Variants in VRK3 observed in about 807,000 individuals in gnomAD.
VRK3 encodes the protein VRK serine/threonine kinase 3.
A neutral mutation model predicts 60.4 loss-of-function variants in VRK3; 50 were observed. The observed-to-expected ratio is 0.83, with a 90% CI of 0.66 to 1.05. The LOEUF (loss-of-function observed/expected upper bound fraction) is 1.05. VRK3 is among the 50% of genes least tolerant of loss of function. VRK3 has a pLI of 0.00. For missense variants in VRK3, 549 were observed against 585.3 expected, an observed-to-expected ratio of 0.94 and a Z score of 0.64; for synonymous variants, 246 against 227.8, an observed-to-expected ratio of 1.08 and a Z score of -0.72.
intron 14 of VRK3, among the ~76,000 whole-genome samples, chr19:49,977,476 G>A (rs1256467881): frequency 6.6e-6 from 1 of 152,086 alleles, no homozygotes; most frequent in Non-Finnish European, 1.5e-5. Flanking sequence ...GGTGAGGAAG[G>A]CACTGTGAGA....
chr19:50,008,076 C>A (rs941528391), intron 4 of VRK3, among the ~76,000 whole-genome samples: 1 of 152,036 alleles, frequency 6.6e-6, no homozygotes, highest in Non-Finnish European at 1.5e-5. Flanking sequence ...TAGTCAGATG[C>A]GGGTCTGAGA....
chr19:50,016,127 G>T lies in VRK3; in HGVS notation c.36C>A (p.Ile12=), dbSNP rs758077954. 1.2e-6 allele frequency: 2 copies of T among 1,614,080 alleles called. No individual in the cohort carries two copies. The highest frequency in any genetic ancestry group is 1.7e-5 in the Admixed American group (1 of 59,996). The change falls in exon 3 of 15, where the codon ATC becomes ATA. Residue 12 remains isoleucine (I), a synonymous_variant. Coordinates refer to ENST00000316763, the MANE Select transcript of VRK3 (RefSeq NM_016440.4). ...ISFCPDCGKS[I]QAAFKFCPYC... is the part of the protein sequence containing the mutation. ...AGGGGCAGAATTTGAATGCCGCTTGGATACTTTTGCCACAGTCTGGACAGA... is the reference window on the plus strand; with the variant it reads ...AGGGGCAGAATTTGAATGCCGCTTGTATACTTTTGCCACAGTCTGGACAGA...
intron 12 of VRK3, among the ~76,000 whole-genome samples, chr19:49,985,850 G>A (rs1000388106): frequency 6.6e-6 from 1 of 152,284 alleles, no homozygotes; most frequent in East Asian, 1.9e-4. Flanking sequence ...GAAGCAGCAC[G>A]TAGGTGACAT....
At chr19:49,977,789 G>A (rs992174335) in intron 14 of VRK3, among the ~76,000 whole-genome samples, 1 of 152,150 alleles carries the variant, frequency 6.6e-6, no homozygotes, top group Non-Finnish European at 1.5e-5. Flanking sequence ...GGGAAAGAGG[G>A]AGATTGGCAC....
intron 5 of VRK3, 75 bp downstream of exon 5, chr19:50,007,494 C>T (rs2076916138): frequency 1.9e-6 from 3 of 1,585,132 alleles, no homozygotes; most frequent in Non-Finnish European, 8.6e-7. Context: ...CATTCCCATT[C>T]TCAGAACGGG....
intron 5 of VRK3, 88 bp from the exon 6 acceptor site, chr19:50,000,942 C>T (rs2076794442): frequency 1.6e-6 from 2 of 1,281,642 alleles, no homozygotes; most frequent in Non-Finnish European, 1.1e-6. Context: ...TGAGAAGCGG[C>T]TCTGGTGCCC....
intron 12 of VRK3, chr19:49,986,652 T>C (rs1228115891): frequency 6.6e-6 from 1 of 152,176 alleles, no homozygotes; most frequent in Admixed American, 6.5e-5. Flanking sequence ...GAGAAAGGCT[T>C]CATGTGAGGG....
chr19:50,019,899 G>A (rs145134642), intron 2 of VRK3, among the ~76,000 whole-genome samples: 7,942 of 150,518 alleles, frequency 0.053, 691 homozygotes, highest in African/African-American at 0.18. Context: ...TTTATTTTGA[G>A]ACAGAGTTTC....
chr19:50,000,817 T>G lies in VRK3; in HGVS notation c.585A>C (p.Pro195=). 6.2e-7 allele frequency: 1 copy of G among 1,613,922 alleles called. No individual in the cohort carries two copies. Among genetic ancestry groups the G allele is most frequent in the Non-Finnish European group, 8.5e-7 (1 of 1,179,924 alleles). Residue 195 remains proline (P), a synonymous_variant, in exon 6 of 15, where the codon CCA becomes CCC. Coordinates refer to ENST00000316763, the MANE Select transcript of VRK3 (RefSeq NM_016440.4). The part of the protein sequence containing the change: ...PTSTLTCDSG[P]QKQKFSLKLD... ...GTTTGAGTGAGAACTTTTGCTTCTGTGGTCCTGAGTCACAGGTGAGGGTGG... is the reference window on the plus strand; with the variant it reads ...GTTTGAGTGAGAACTTTTGCTTCTGGGGTCCTGAGTCACAGGTGAGGGTGG...
intron 2 of VRK3, chr19:50,020,353 G>A (rs1209055855): frequency 6.6e-6 from 1 of 152,196 alleles, no homozygotes; most frequent in African/African-American, 2.4e-5. Flanking sequence ...AATCTGTGAT[G>A]GTTTTACACG....
intron 6 of VRK3, chr19:50,000,430 G>T (rs1215265451): frequency 3.2e-6 from 1 of 314,408 alleles, no homozygotes. Flanking sequence ...TACACAGTAG[G>T]TGCTCGATAC....
intron 6 of VRK3, chr19:49,999,174 A>C (rs952260641): frequency 4.6e-5 from 7 of 152,190 alleles, no homozygotes; most frequent in African/African-American, 1.4e-4. Context: ...CACTCAGCCC[A>C]GGGACTGTCA....
chr19:49,992,358 C>G (rs758707394), intron 10 of VRK3, among the ~76,000 whole-genome samples: 1 of 152,160 alleles, frequency 6.6e-6, no homozygotes, highest in Admixed American at 6.5e-5. Flanking sequence ...GAGCCGAGAT[C>G]GTGCCATTGC....
chr19:49,992,722 T>C (rs1458194085), intron 10 of VRK3, 138 bp downstream of exon 10: 6 of 720,798 alleles, frequency 8.3e-6, no homozygotes, highest in Non-Finnish European at 1.1e-5. Flanking sequence ...CTTATCTTAT[T>C]TATTTGAAGG....
At chr19:50,001,121 G>A (rs751078139) in intron 5 of VRK3, 6 of 387,748 alleles carry the variant, frequency 1.5e-5, no homozygotes, top group South Asian at 3.8e-5. Flanking sequence ...CCTGGATTCC[G>A]GGAGGGCTCC....
rs1309620726 is a variant in VRK3 at position 50,007,509 on chromosome 19, C to T, written c.547+60G>A. 8 of 1,599,350 alleles carry T rather than the reference C, an allele frequency of 5.0e-6. No individual in the cohort carries two copies. The South Asian group carries it at 6.7e-5, about 13-fold the overall frequency. Reference sequence around the variant, plus strand: ...CATTCCCATTCTCAGAACGGGGTCCCCTCCCACTGTCCTGGTGCTGAGACG... The same window carrying T: ...CATTCCCATTCTCAGAACGGGGTCCTCTCCCACTGTCCTGGTGCTGAGACG... On this transcript the variant is annotated intron_variant, in intron 5 of 14. Transcript: ENST00000316763.
At chr19:49,981,518 C>A (rs1204333014) in intron 12 of VRK3, 1 of 244,396 alleles carries the variant, frequency 4.1e-6, no homozygotes. Flanking sequence ...GCACTCCAGC[C>A]TGGGCGACAG....
intron 2 of VRK3, 178 bp downstream of exon 2, chr19:50,020,407 A>G (rs1393436594): frequency 6.6e-6 from 1 of 152,262 alleles, no homozygotes; most frequent in Non-Finnish European, 1.5e-5. Context: ...ACTGCCCTCC[A>G]ATAAAGATGC....
At chr19:49,978,916 T>G (rs8104842) in intron 14 of VRK3, 167 bp downstream of exon 14, 108,755 of 579,244 alleles carry the variant, frequency 0.19, 11,014 homozygotes, top group East Asian at 0.32. Flanking sequence ...TGCCATTCCT[T>G]GAGGCTGGGA....
Sources: gnomAD v4.1 joint callset for allele counts (sites outside exome capture counted in the v4.1 genomes callset) on GRCh38, gnomAD v4.1.1 for gene constraint, MANE v1.5 for transcripts, NCBI Gene and HGNC (gene_info 2026-07-23, HGNC 2026-07-21) for gene names.